FBXL7: variants seen among roughly 807,000 people sequenced by gnomAD.
FBXL7 encodes F-box/LRR-repeat protein 7.
A neutral mutation model predicts 38.3 loss-of-function variants in FBXL7; 12 were observed. The observed-to-expected ratio is 0.31, with a 90% CI of 0.20 to 0.51. The LOEUF is 0.51. Among genes scored for constraint, FBXL7 ranks in the 20% least tolerant of loss-of-function variants. FBXL7 has a pLI of 0.98. For missense variants in FBXL7, 567 were observed against 676.4 expected, an observed-to-expected ratio of 0.84 and a Z score of 1.79; for synonymous variants, 297 against 300.9, an observed-to-expected ratio of 0.99 and a Z score of 0.13.
At chr5:15,741,797 G>T (rs939171553) in intron 2 of FBXL7, among the ~76,000 whole-genome samples, 3 of 150,846 alleles carry the variant, frequency 2.0e-5, no homozygotes, top group African/African-American at 7.3e-5. Context: ...TACAGGAAAA[G>T]AACAACTTTT....
chr5:15,736,982 C>G lies in FBXL7; in HGVS notation c.127+120910C>G, dbSNP rs549967717. 1.1e-4 allele frequency among the ~76,000 whole-genome samples: 17 copies of G among 152,278 alleles called. No homozygotes were observed. The South Asian group carries it at 3.3e-3, about 30-fold the overall frequency. On this transcript the variant is annotated intron_variant, in intron 2 of 3. Transcript: ENST00000504595. ...GCCTTCTATGGGCTAACTATAACAC[C>G]TATAACAACTCATGAGGTAGATGCA...
chr5:15,585,846 G>A (rs941863167), intron 1 of FBXL7, among the ~76,000 whole-genome samples: 4 of 152,188 alleles, frequency 2.6e-5, no homozygotes, highest in Admixed American at 2.6e-4. Context: ...TCAAATTCTT[G>A]TTCAAGGCTG....
At chr5:15,789,098 C>G (rs1238991890) in intron 2 of FBXL7, among the ~76,000 whole-genome samples, 2 of 152,108 alleles carry the variant, frequency 1.3e-5, no homozygotes, top group Non-Finnish European at 2.9e-5. Flanking sequence ...GAACCACCCA[C>G]CTTGGCCTCC....
At chr5:15,532,544 A>C (rs780659038) in intron 1 of FBXL7, among the ~76,000 whole-genome samples, 2 of 152,252 alleles carry the variant, frequency 1.3e-5, no homozygotes, top group Non-Finnish European at 2.9e-5. Flanking sequence ...CAATTTAATT[A>C]AGGCTAGATA....
chr5:15,696,486 G>A (rs888721241), intron 2 of FBXL7, among the ~76,000 whole-genome samples: 1 of 151,960 alleles, frequency 6.6e-6, no homozygotes, highest in East Asian at 1.9e-4. Context: ...GCTGAACCTC[G>A]ACCTAAATTC....
At chr5:15,827,226 G>T (rs549652024) in intron 2 of FBXL7, among the ~76,000 whole-genome samples, 4 of 151,362 alleles carry the variant, frequency 2.6e-5, no homozygotes, top group Non-Finnish European at 5.9e-5. Flanking sequence ...TCTCAATGTG[G>T]TTTTTTTTGT....
At chr5:15,825,802 C>G (rs2126768533) in intron 2 of FBXL7, among the ~76,000 whole-genome samples, 1 of 152,256 alleles carries the variant, frequency 6.6e-6, no homozygotes, top group African/African-American at 2.4e-5. Context: ...TCTAACAGCT[C>G]AAGTTATAGC....
chr5:15,820,003 G>C (rs1420663302), intron 2 of FBXL7, among the ~76,000 whole-genome samples: 1 of 152,092 alleles, frequency 6.6e-6, no homozygotes, highest in Non-Finnish European at 1.5e-5. Context: ...CCTCCATATT[G>C]AATTCTAGAA....
intron 3 of FBXL7, among the ~76,000 whole-genome samples, chr5:15,932,771 AT>A (rs1742069466): frequency 1.3e-5 from 2 of 151,834 alleles, no homozygotes; most frequent in African/African-American, 2.4e-5. Flanking sequence ...CATCCAAATT[AT>A]TTCTCTCTTT....
intron 2 of FBXL7, among the ~76,000 whole-genome samples, chr5:15,881,514 T>C (rs1740450614): frequency 6.6e-6 from 1 of 152,250 alleles, no homozygotes; most frequent in South Asian, 2.1e-4. Flanking sequence ...TTTCATATCA[T>C]GACTTCTTTT....
At chr5:15,927,047 C>T in intron 2 of FBXL7, among the ~76,000 whole-genome samples, 1 of 151,870 alleles carries the variant, frequency 6.6e-6, no homozygotes, top group African/African-American at 2.4e-5. Flanking sequence ...AACAATGAAA[C>T]TTTGAAGTTG....
chr5:15,645,570 G>A (rs903699733), intron 2 of FBXL7, among the ~76,000 whole-genome samples: 4 of 152,234 alleles, frequency 2.6e-5, no homozygotes, highest in African/African-American at 7.2e-5. Context: ...CCCAACTACC[G>A]TGGGCACATG....
chr5:15,523,951 C>G (rs552248472), intron 1 of FBXL7, among the ~76,000 whole-genome samples: 22 of 152,254 alleles, frequency 1.4e-4, no homozygotes, highest in Non-Finnish European at 2.4e-4. Context: ...ACAGTATGAG[C>G]TAATGTTGCA....
At chr5:15,618,773 C>A (rs60618080) in intron 2 of FBXL7, among the ~76,000 whole-genome samples, 1 of 152,188 alleles carries the variant, frequency 6.6e-6, no homozygotes, top group Non-Finnish European at 1.5e-5. Flanking sequence ...TGGAAGAGAT[C>A]TGAGTTACCC....
chr5:15,580,556 C>G, intron 1 of FBXL7: 2 of 901,164 alleles, frequency 2.2e-6, no homozygotes, highest in Non-Finnish European at 2.7e-6. Context: ...AACCAAGAAG[C>G]CACTCTCTTT....
chr5:15,629,230 G>C (rs1740920096), intron 2 of FBXL7, among the ~76,000 whole-genome samples: 1 of 152,034 alleles, frequency 6.6e-6, no homozygotes, highest in African/African-American at 2.4e-5. Context: ...AGCTATGATT[G>C]CACCACCGCA....
At chr5:15,541,307 A>T (rs1003743382) in intron 1 of FBXL7, among the ~76,000 whole-genome samples, 5 of 150,818 alleles carry the variant, frequency 3.3e-5, no homozygotes, top group African/African-American at 1.2e-4. Context: ...ATTTTTGAAT[A>T]TGAGAAAATA....
intron 2 of FBXL7, among the ~76,000 whole-genome samples, chr5:15,899,823 T>C (rs530482623): frequency 1.3e-5 from 2 of 152,158 alleles, no homozygotes; most frequent in South Asian, 4.1e-4. Context: ...AACAGACTTA[T>C]TATAAGAATG....
intron 2 of FBXL7, among the ~76,000 whole-genome samples, chr5:15,783,230 A>G (rs1201356453): frequency 6.6e-6 from 1 of 152,194 alleles, no homozygotes; most frequent in Non-Finnish European, 1.5e-5. Context: ...AGACCTGAGA[A>G]TGTCAGCAGC....
Sources: allele counts gnomAD v4.1 joint callset (sites outside exome capture counted in the v4.1 genomes callset), GRCh38; gene constraint gnomAD v4.1.1; transcripts MANE v1.5; gene names NCBI Gene and HGNC (gene_info 2026-07-23, HGNC 2026-07-21).